Variants in ATRX observed in about 807,000 individuals in gnomAD.
ATRX encodes chromatin remodeler ATRX.
A neutral mutation model predicts 172.6 loss-of-function variants in ATRX; 12 were observed. The observed-to-expected ratio is 0.07, with a 90% CI of 0.04 to 0.11. The LOEUF (loss-of-function observed/expected upper bound fraction) is 0.11, where lower values mean the gene tolerates loss of function less well. Ranked by LOEUF, ATRX falls within the 10% of genes least tolerant of loss-of-function variation. The pLI is 1.00. For missense variants in ATRX, 1,368 were observed against 1,767.4 expected (o/e 0.77, Z 4.05); for synonymous variants, 674 against 594.7 (o/e 1.13, Z -1.94).
chrX:77,745,649 A>G (rs1335978446), intron 1 of ATRX, among the ~76,000 whole-genome samples: 3 of 111,357 alleles, frequency 2.7e-5, no homozygotes, highest in African/African-American at 9.8e-5. Context: ...GATGGCTAAT[A>G]TGTATAAAAA....
At chrX:77,579,759 C>T (rs1231106812) in intron 27 of ATRX, among the ~76,000 whole-genome samples, 1 of 111,861 alleles carries the variant, frequency 8.9e-6, no homozygotes, top group African/African-American at 3.2e-5. Context: ...AAGACACCAA[C>T]GAAAATCCAT....
chrX:77,617,302 T>C (rs1419708790), intron 21 of ATRX, among the ~76,000 whole-genome samples: 1 of 111,701 alleles, frequency 9.0e-6, no homozygotes, highest in African/African-American at 3.3e-5. Flanking sequence ...AAATAGAAAT[T>C]ACTCCTTAAA....
chrX:77,749,717 C>T (rs1447763126), intron 1 of ATRX, among the ~76,000 whole-genome samples: 8 of 111,766 alleles, frequency 7.2e-5, no homozygotes, highest in African/African-American at 2.3e-4. Context: ...AAATATTAAA[C>T]GGAAAATTCC....
intron 22 of ATRX, among the ~76,000 whole-genome samples, chrX:77,602,205 C>T (rs1308667013): frequency 9.0e-6 from 1 of 110,998 alleles, no homozygotes; most frequent in African/African-American, 3.3e-5. Context: ...GACAGGGTCT[C>T]GCTTTGTTGA....
intron 10 of ATRX, among the ~76,000 whole-genome samples, chrX:77,669,375 T>A (rs782486841): frequency 9.1e-6 from 1 of 109,581 alleles, no homozygotes; most frequent in Non-Finnish European, 1.9e-5. Context: ...TAGCACAATC[T>A]CAACCTGGAG....
At chrX:77,547,398 A>C (rs1490867107) in intron 30 of ATRX, among the ~76,000 whole-genome samples, 1 of 111,707 alleles carries the variant, frequency 9.0e-6, no homozygotes, top group African/African-American at 3.2e-5. Flanking sequence ...CATTGGCTCC[A>C]TGGTTTCTGT....
At chrX:77,520,117 C>A (rs2063179540) in intron 34 of ATRX, among the ~76,000 whole-genome samples, 4 of 111,472 alleles carry the variant, frequency 3.6e-5, no homozygotes, top group Admixed American at 1.9e-4. Context: ...AACAATTGAA[C>A]TCATGATGAT....
At chrX:77,602,435 CA>C (rs1242163299) in intron 22 of ATRX, among the ~76,000 whole-genome samples, 20 of 109,590 alleles carry the variant, frequency 1.8e-4, no homozygotes, top group African/African-American at 5.9e-4. Flanking sequence ...TTCTGTTCCT[CA>C]CATTTCTTTA....
intron 32 of ATRX, 87 bp downstream of exon 32, chrX:77,522,176 A>T (rs891751022): frequency 3.6e-6 from 4 of 1,122,045 alleles, no homozygotes; most frequent in Non-Finnish European, 3.7e-6. Flanking sequence ...GGAGAATGTG[A>T]TATTTCTGCA....
intron 19 of ATRX, among the ~76,000 whole-genome samples, chrX:77,631,268 T>C (rs781995922): frequency 9.2e-6 from 1 of 109,232 alleles, no homozygotes; most frequent in Non-Finnish European, 1.9e-5. Flanking sequence ...GATGAGTATA[T>C]AATTATATAA....
At chrX:77,581,545 G>A (rs1409500818) in intron 27 of ATRX, among the ~76,000 whole-genome samples, 1 of 111,236 alleles carries the variant, frequency 9.0e-6, no homozygotes, top group Non-Finnish European at 1.9e-5. Context: ...CTCAACCCTG[G>A]GAGCACCCAC....
At chrX:77,516,288 A>G (rs1393285185) in intron 34 of ATRX, among the ~76,000 whole-genome samples, 1 of 112,125 alleles carries the variant, frequency 8.9e-6, no homozygotes, top group African/African-American at 3.2e-5. Context: ...CAAGACATAT[A>G]GTGTCTGAAT....
In ATRX at chrX:77,593,839, A is replaced by G; in HGVS notation, c.5967T>C (p.Thr1989=). 3 of 1,208,223 alleles carry G rather than the reference A, an allele frequency of 2.5e-6. No individual in the cohort carries two copies. Among genetic ancestry groups the G allele is most frequent in the Non-Finnish European group, 3.4e-6 (3 of 892,619 alleles). The part of the protein sequence containing the change: ...VSLKLEESKA[T]SSSNPSSPAP... Reference sequence around the variant, plus strand: ...CTGGGCTGCTTGGATTAGAAGAAGAAGTAGCTTTACCTAAATAAGACAAAT... The same window carrying G: ...CTGGGCTGCTTGGATTAGAAGAAGAGGTAGCTTTACCTAAATAAGACAAAT... The change falls in exon 26 of 35, where the codon ACT becomes ACC. Residue 1989 remains threonine, a synonymous_variant. Coordinates refer to ENST00000373344, the MANE Select transcript of ATRX (RefSeq NM_000489.6).
At chrX:77,771,276 T>C (rs2076143291) in intron 1 of ATRX, among the ~76,000 whole-genome samples, 1 of 107,830 alleles carries the variant, frequency 9.3e-6, no homozygotes, top group African/African-American at 3.4e-5. Context: ...CTCAAGAGGC[T>C]GAGGCAGAAG....
intron 30 of ATRX, among the ~76,000 whole-genome samples, chrX:77,536,832 T>C (rs1602423461): frequency 9.0e-6 from 1 of 111,558 alleles, no homozygotes; most frequent in East Asian, 2.8e-4. Context: ...ATTTAAATTA[T>C]ATATACTTAC....
Position 77,550,179 on chromosome X carries a change from T to C in ATRX, c.6699+7272A>G, listed in dbSNP as rs1333657163. ...AGTAAGTCTAATTCCAACACTGCTT[T>C]TCAATGATATATGGATCACTAAGGA... On this transcript the variant is annotated intron_variant, in intron 30 of 34. Coordinates refer to ENST00000373344, the MANE Select transcript of ATRX (RefSeq NM_000489.6). Among the ~76,000 whole-genome samples, 3 of 111,374 alleles carry C rather than the reference T, an allele frequency of 2.7e-5. No homozygotes were observed. The Admixed American group carries it at 2.9e-4, about 11-fold the overall frequency.
At chrX:77,772,193 G>A (rs2076175189) in intron 1 of ATRX, among the ~76,000 whole-genome samples, 3 of 108,745 alleles carry the variant, frequency 2.8e-5, no homozygotes, top group African/African-American at 1.0e-4. Flanking sequence ...GGCTACTCAG[G>A]AGGCTGAGGC....
At chrX:77,750,478 G>A (rs1433692305) in intron 1 of ATRX, among the ~76,000 whole-genome samples, 1 of 110,936 alleles carries the variant, frequency 9.0e-6, no homozygotes, top group African/African-American at 3.3e-5. Context: ...TAAGGGAGGA[G>A]GTATAAACAT....
intron 10 of ATRX, chrX:77,675,485 G>A (rs1335480991): frequency 1.8e-5 from 2 of 111,375 alleles, no homozygotes; most frequent in Non-Finnish European, 3.8e-5. Flanking sequence ...TATTGTCCAG[G>A]AAGTGTTTAA....
Sources: gnomAD v4.1 joint callset for allele counts (sites outside exome capture counted in the v4.1 genomes callset) on GRCh38, gnomAD v4.1.1 for gene constraint, MANE v1.5 for transcripts, NCBI Gene and HGNC (gene_info 2026-07-23, HGNC 2026-07-21) for gene names.